TENM4: variants seen among roughly 807,000 people sequenced by gnomAD.
The protein encoded by TENM4 is teneurin transmembrane protein 4.
In TENM4, 82 loss-of-function variants were observed where a neutral mutation model predicts 243.3. That is an observed-to-expected ratio of 0.34 (90% CI 0.28 to 0.40). The LOEUF is 0.40. Among genes scored for constraint, TENM4 ranks in the 10% least tolerant of loss-of-function variants. The pLI, the probability that TENM4 is intolerant of heterozygous loss-of-function variation, is 1.00. For missense variants in TENM4, 3,138 were observed against 3,673.3 expected, an observed-to-expected ratio of 0.85 and a Z score of 3.77; for synonymous variants, 1,412 against 1,456.3, an observed-to-expected ratio of 0.97 and a Z score of 0.69.
intron 1 of TENM4, among the ~76,000 whole-genome samples, chr11:79,330,254 A>G (rs190789027): frequency 6.6e-6 from 1 of 152,348 alleles, no homozygotes; most frequent in Non-Finnish European, 1.5e-5. Context: ...TAGACTTGAT[A>G]AGCCTTGCTA....
chr11:79,007,371 C>CTG (rs1395229970), intron 6 of TENM4, among the ~76,000 whole-genome samples: 1 of 145,814 alleles, frequency 6.9e-6, no homozygotes, highest in African/African-American at 2.6e-5. Context: ...AAAACCAGAG[C>CTG]TGAGAGAGAG....
chr11:79,181,921 C>A (rs1863288448), intron 3 of TENM4, among the ~76,000 whole-genome samples: 1 of 146,562 alleles, frequency 6.8e-6, no homozygotes. Context: ...ATGAGGAAAA[C>A]CAAAAAATTC....
intron 14 of TENM4, among the ~76,000 whole-genome samples, chr11:78,805,825 T>A (rs1322899835): frequency 1.3e-5 from 2 of 152,236 alleles, no homozygotes; most frequent in Non-Finnish European, 2.9e-5. Context: ...AGGAGGTGTT[T>A]AATAAGTCTT....
chr11:78,819,150 A>G (rs1474558210), intron 12 of TENM4, among the ~76,000 whole-genome samples: 1 of 152,176 alleles, frequency 6.6e-6, no homozygotes, highest in Non-Finnish European at 1.5e-5. Context: ...AAAAGACAAC[A>G]GTGCTTCTTC....
chr11:79,178,473 AG>A (rs1565237399), intron 3 of TENM4, among the ~76,000 whole-genome samples: 2 of 152,200 alleles, frequency 1.3e-5, no homozygotes, highest in African/African-American at 4.8e-5. Flanking sequence ...AACCAGTGAA[AG>A]AGGTGGAAGA....
intron 3 of TENM4, among the ~76,000 whole-genome samples, chr11:79,185,082 G>C (rs1863357135): frequency 6.6e-6 from 1 of 152,106 alleles, no homozygotes; most frequent in African/African-American, 2.4e-5. Flanking sequence ...AGGATCGCTT[G>C]AGCCCAGGAG....
chr11:78,991,459 G>A (rs1858044031), intron 6 of TENM4, among the ~76,000 whole-genome samples: 1 of 152,174 alleles, frequency 6.6e-6, no homozygotes, highest in African/African-American at 2.4e-5. Context: ...AAGAGCACTT[G>A]TTGAATGCTT....
intron 6 of TENM4, among the ~76,000 whole-genome samples, chr11:78,982,103 T>C (rs1029676126): frequency 6.6e-6 from 1 of 152,206 alleles, no homozygotes; most frequent in African/African-American, 2.4e-5. Context: ...AATATCCGCT[T>C]TGCAGACTGC....
intron 3 of TENM4, among the ~76,000 whole-genome samples, chr11:79,172,789 C>T (rs1313541065): frequency 6.6e-6 from 1 of 151,706 alleles, no homozygotes; most frequent in Non-Finnish European, 1.5e-5. Flanking sequence ...CAAGTGTGCA[C>T]CACCACGCCC....
chr11:78,811,526 A>G (rs886192086), intron 14 of TENM4, among the ~76,000 whole-genome samples: 6 of 152,106 alleles, frequency 3.9e-5, no homozygotes, highest in African/African-American at 1.4e-4. Context: ...TTTATTTTAT[A>G]AAGGAGAGGC....
chr11:78,849,942 G>A (rs541419718), intron 12 of TENM4, among the ~76,000 whole-genome samples: 1 of 152,216 alleles, frequency 6.6e-6, no homozygotes, highest in East Asian at 1.9e-4. Flanking sequence ...AGCCCACCTC[G>A]GCCCAGCCAG....
chr11:79,167,601 C>A (rs1481135162), intron 3 of TENM4, among the ~76,000 whole-genome samples: 2 of 152,202 alleles, frequency 1.3e-5, no homozygotes, highest in Non-Finnish European at 2.9e-5. Context: ...CTGCTGATCA[C>A]CACATTCTCG....
rs1034662708 is a variant in TENM4, at chr11:79,366,209, T to C, written c.-320-68666A>G. The stretch of plus-strand genomic sequence containing the variant: ...CTGTGAAAAGGTTTCCACCGATGAC[T>C]CAGGGCAGCATTAGCGGAGGTGCAG... On this transcript the variant is annotated intron_variant, in intron 1 of 33. Transcript: ENST00000278550. Among the ~76,000 whole-genome samples the C allele has an allele frequency of 1.1e-4, 16 of 152,344 alleles. No homozygotes were observed. The East Asian group carries it at 3.1e-3, about 29-fold the overall frequency.
At chr11:78,862,917 G>A in intron 10 of TENM4, 45 bp downstream of exon 10, 1 of 1,362,362 alleles carries the variant, frequency 7.3e-7, no homozygotes, top group Non-Finnish European at 9.6e-7. Context: ...TCAGCTCAGA[G>A]GCAGACACAG....
At chr11:78,974,519 A>G (rs11237669) in intron 6 of TENM4, among the ~76,000 whole-genome samples, 14,402 of 151,994 alleles carry the variant, frequency 0.095, 1,237 homozygotes, top group African/African-American at 0.23. Flanking sequence ...ATTTTAGGCA[A>G]ATTGTTTGAT....
chr11:79,431,489 G>T (rs1385794801), intron 1 of TENM4, among the ~76,000 whole-genome samples: 2 of 152,104 alleles, frequency 1.3e-5, no homozygotes, highest in Non-Finnish European at 2.9e-5. Flanking sequence ...GGACTAAACG[G>T]AATAAGTGTT....
chr11:79,417,153 G>T (rs929409612), intron 1 of TENM4, among the ~76,000 whole-genome samples: 2 of 152,192 alleles, frequency 1.3e-5, no homozygotes, highest in Non-Finnish European at 2.9e-5. Context: ...TGGCTTAAAA[G>T]AACTTTACTT....
chr11:78,855,165 G>T (rs1022552515), intron 11 of TENM4, among the ~76,000 whole-genome samples: 1 of 152,102 alleles, frequency 6.6e-6, no homozygotes. Context: ...CAGTCAACAG[G>T]GTCTCAAGGC....
rs1857893672 is a variant in TENM4 at position 78,656,343 on chromosome 11, T to A, written c.*1715A>T. ...TGTAACCCATAAAAGTTCCATTTTC[T>A]AAGAAGCCCAGCTTAAAAGGAAGCA... On this transcript the variant is annotated 3_prime_UTR_variant, in exon 34 of 34. Transcript: ENST00000278550. 6.6e-6 allele frequency: 1 copy of A among 152,262 alleles called. No individual in the cohort carries two copies. Among genetic ancestry groups the A allele is most frequent in the Non-Finnish European group, 1.5e-5 (1 of 68,038 alleles). 9.4% of individuals were successfully genotyped at this position (152,262 alleles called of 1,614,324 possible).
Sources: gnomAD v4.1 joint callset for allele counts (sites outside exome capture counted in the v4.1 genomes callset) on GRCh38, gnomAD v4.1.1 for gene constraint, MANE v1.5 for transcripts, NCBI Gene and HGNC (gene_info 2026-07-23, HGNC 2026-07-21) for gene names.